MALSU1: variants seen among roughly 807,000 people sequenced by gnomAD.
MALSU1 encodes the protein mitochondrial assembly of ribosomal large subunit protein 1.
MALSU1 carries 22 observed loss-of-function variants against 22.1 expected under a neutral mutation model. The ratio of observed to expected loss-of-function variants is 1.00; its 90% CI spans 0.71 to 1.42. The LOEUF (loss-of-function observed/expected upper bound fraction) is 1.42, where lower values mean the gene tolerates loss of function less well. MALSU1 is among the 40% of genes most tolerant of loss of function. The probability of loss-of-function intolerance (pLI) is 0.00; values close to 1 mark genes in which losing one functional copy is unlikely to be tolerated. For missense variants in MALSU1, 379 were observed against 308.3 expected, an observed-to-expected ratio of 1.23 and a Z score of -1.72; for synonymous variants, 153 against 118.5, an observed-to-expected ratio of 1.29 and a Z score of -1.89.
In MALSU1 at chr7:23,311,009, C is replaced by T. The variant is rs1440514767; in HGVS notation, c.*1466C>T. 3 of 152,024 alleles carry T rather than the reference C, an allele frequency of 2.0e-5. No individual in the cohort carries two copies. The highest frequency in any genetic ancestry group is 4.4e-5 in the Non-Finnish European group (3 of 67,996). The allele number at this position is 152,024 out of a possible 1,614,324, so 9.4% of individuals were successfully genotyped here. Reference sequence around the variant, plus strand: ...TTTTCACAGTCATTCAAATTATATCCCAAAAACTTTTCTTGTATTCTCTAT... The same window carrying T: ...TTTTCACAGTCATTCAAATTATATCTCAAAAACTTTTCTTGTATTCTCTAT... On this transcript the variant is annotated 3_prime_UTR_variant, in exon 4 of 4. Coordinates refer to ENST00000466681, the MANE Select transcript of MALSU1 (RefSeq NM_138446.2).
intron 2 of MALSU1, among the ~76,000 whole-genome samples, chr7:23,305,310 T>G (rs1783709134): frequency 6.6e-6 from 1 of 152,180 alleles, no homozygotes; most frequent in African/African-American, 2.4e-5. Context: ...GTTCTAAGTT[T>G]TGAAATCAAG....
chr7:23,302,500 T>C (rs1783661694), intron 2 of MALSU1, among the ~76,000 whole-genome samples: 1 of 151,738 alleles, frequency 6.6e-6, no homozygotes, highest in Admixed American at 6.6e-5. Flanking sequence ...AAAAACAGGG[T>C]AATTGGAGAG....
intron 2 of MALSU1, among the ~76,000 whole-genome samples, chr7:23,303,386 A>G (rs1401605608): frequency 6.6e-6 from 1 of 152,146 alleles, no homozygotes; most frequent in Non-Finnish European, 1.5e-5. Flanking sequence ...GCTGAATAAT[A>G]CTCTATCTTA....
chr7:23,299,499 C>T lies in MALSU1; in HGVS notation c.147C>T (p.Cys49=). ...GGCTTCCCGTAGGAGCAGCGTTCTG[C>T]CGGGCTTGCCAGACCCCAAACTTTG... The part of the protein sequence containing the change: ...VQRLPVGAAF[C]RACQTPNFVR... Residue 49 remains cysteine (C), a synonymous_variant, in exon 1 of 4, where the codon TGC becomes TGT. Transcript: ENST00000466681. 1 of 1,612,016 alleles carries T rather than the reference C, an allele frequency of 6.2e-7. No homozygotes were observed. Among genetic ancestry groups the T allele is most frequent in the Non-Finnish European group, 8.5e-7 (1 of 1,179,852 alleles).
intron 2 of MALSU1, among the ~76,000 whole-genome samples, chr7:23,305,246 G>A (rs1431001462): frequency 6.6e-6 from 1 of 152,156 alleles, no homozygotes; most frequent in African/African-American, 2.4e-5. Context: ...TGTTTCATCA[G>A]TCTGTGCGTC....
rs1456900835 is a variant in MALSU1 at position 23,310,773 on chromosome 7, TAAG to T, written c.*1233_*1235del. 6.6e-6 allele frequency: 1 copy of T among 151,316 alleles called. No homozygotes were observed. The highest frequency in any genetic ancestry group is 1.5e-5 in the Non-Finnish European group (1 of 68,010). 9.4% of individuals were successfully genotyped at this position (151,316 alleles called of 1,614,324 possible). On this transcript the variant is annotated 3_prime_UTR_variant, in exon 4 of 4. Transcript: ENST00000466681. Reference sequence around the variant, plus strand: ...GTCTGTATAGAAATTCATCTTGAAATAAGAATGAGGCAGTGATTTTTTTTTTAA... The same window carrying T: ...GTCTGTATAGAAATTCATCTTGAAATAATGAGGCAGTGATTTTTTTTTTAA...
intron 3 of MALSU1, among the ~76,000 whole-genome samples, chr7:23,308,280 T>A (rs1783750181): frequency 6.6e-6 from 1 of 151,852 alleles, no homozygotes; most frequent in Non-Finnish European, 1.5e-5. Flanking sequence ...TCCTTAGTAG[T>A]GGTAGAGGAA....
At chr7:23,302,893 A>C (rs1783667651) in intron 2 of MALSU1, among the ~76,000 whole-genome samples, 1 of 151,994 alleles carries the variant, frequency 6.6e-6, no homozygotes, top group Non-Finnish European at 1.5e-5. Context: ...TCTCCGGCCT[A>C]AGCCTCCTGA....
At chr7:23,306,113 G>C (rs959040599) in intron 2 of MALSU1, among the ~76,000 whole-genome samples, 3 of 152,122 alleles carry the variant, frequency 2.0e-5, no homozygotes, top group African/African-American at 7.2e-5. Context: ...AGAATCGCTT[G>C]AACTTGGGAG....
rs1037895573 is a variant in MALSU1, at chr7:23,309,947, C to T, written c.*404C>T. Reference sequence around the variant, plus strand: ...ATAGCCCACTGGTCTTATTTTTATACTTTGAGGTGATAATATTCTTCTAGG... The same window carrying T: ...ATAGCCCACTGGTCTTATTTTTATATTTTGAGGTGATAATATTCTTCTAGG... On this transcript the variant is annotated 3_prime_UTR_variant, in exon 4 of 4. Transcript: ENST00000466681. 2.6e-5 allele frequency: 4 copies of T among 152,026 alleles called. No homozygotes were observed. The highest frequency in any genetic ancestry group is 9.8e-5 in the African/African-American group (4 of 40,746). The allele number at this position is 152,026 out of a possible 1,614,324, so 9.4% of individuals were successfully genotyped here.
intron 2 of MALSU1, among the ~76,000 whole-genome samples, chr7:23,304,449 T>C (rs1157048031): frequency 6.6e-6 from 1 of 152,250 alleles, no homozygotes; most frequent in Admixed American, 6.5e-5. Context: ...GAGCATATTT[T>C]CTTTTGCTTA....
rs752658970 is a variant in MALSU1 at position 23,299,509 on chromosome 7, C to T, written c.157C>T (p.Gln53Ter). The change falls in exon 1 of 4, where the codon CAG (glutamine) becomes TAG (stop). Residue 53 changes from glutamine to a stop codon, truncating the protein, a stop_gained. Transcript: ENST00000466681. LOFTEE classifies it high-confidence loss of function. ...PVGAAFCRAC[Q>*]TPNFVRGLHS... ...AGGAGCAGCGTTCTGCCGGGCTTGC[C>T]AGACCCCAAACTTTGTCCGCGGCCT... 1 of 1,612,626 alleles carries T rather than the reference C, an allele frequency of 6.2e-7. No homozygotes were observed.
chr7:23,300,720 T>TA, intron 1 of MALSU1, 119 bp from the exon 2 acceptor site: 1 of 858,558 alleles, frequency 1.2e-6, no homozygotes, highest in Admixed American at 2.2e-5. Flanking sequence ...CTGCTATCTG[T>TA]AAAAACACTT....
intron 2 of MALSU1, 84 bp downstream of exon 2, chr7:23,301,101 G>A: frequency 7.9e-7 from 1 of 1,258,844 alleles, no homozygotes; most frequent in Non-Finnish European, 1.1e-6. Context: ...CACTTAGAGG[G>A]TAAACCCATC....
chr7:23,309,030 AGT>A (rs1783764905), intron 3 of MALSU1, among the ~76,000 whole-genome samples: 1 of 152,232 alleles, frequency 6.6e-6, no homozygotes, highest in Admixed American at 6.5e-5. Flanking sequence ...AAAGGCAGTC[AGT>A]GTTTTTGCAC....
chr7:23,307,370 C>T (rs1783735252), intron 2 of MALSU1, among the ~76,000 whole-genome samples: 1 of 152,162 alleles, frequency 6.6e-6, no homozygotes, highest in Non-Finnish European at 1.5e-5. Flanking sequence ...TAATTGCCAT[C>T]TTGTTTGATA....
chr7:23,306,781 C>G (rs1368431077), intron 2 of MALSU1, among the ~76,000 whole-genome samples: 1 of 152,134 alleles, frequency 6.6e-6, no homozygotes, highest in Non-Finnish European at 1.5e-5. Context: ...AGGGATAAAT[C>G]CCACTTGGTC....
At position 23,309,550 on chromosome 7, in the gene MALSU1, T is replaced by C; in HGVS notation, c.*7T>C. On this transcript the variant is annotated 3_prime_UTR_variant, in exon 4 of 4. Coordinates refer to ENST00000466681, the MANE Select transcript of MALSU1 (RefSeq NM_138446.2). ...GGAGTTAAAATGTGAATAAAATATT[T>C]TATGCACTGCGTTAGTCATTTCAGA... 6.3e-7 allele frequency: 1 copy of C among 1,587,310 alleles called. No homozygotes were observed. Among genetic ancestry groups the C allele is most frequent in the African/African-American group, 1.4e-5 (1 of 73,798 alleles).
chr7:23,301,725 C>T (rs1783651605), intron 2 of MALSU1, among the ~76,000 whole-genome samples: 1 of 152,154 alleles, frequency 6.6e-6, no homozygotes, highest in Admixed American at 6.5e-5. Context: ...AATCCCAGCA[C>T]TTTGGAAGGC....
Sources: allele counts gnomAD v4.1 joint callset (sites outside exome capture counted in the v4.1 genomes callset), GRCh38; gene constraint gnomAD v4.1.1; transcripts MANE v1.5; gene names NCBI Gene and HGNC (gene_info 2026-07-23, HGNC 2026-07-21).